The following FOXK1 variants were observed in gnomAD, a reference collection of about 807,000 sequenced individuals.
The protein encoded by FOXK1 is forkhead box protein K1.
In FOXK1, 19 loss-of-function variants were observed where a neutral mutation model predicts 51.9. That is an observed-to-expected ratio of 0.37 (90% CI 0.26 to 0.54). The LOEUF is 0.54. Among genes scored for constraint, FOXK1 ranks in the 20% least tolerant of loss-of-function variants. The probability of loss-of-function intolerance (pLI) is 0.87; values close to 1 mark genes in which losing one functional copy is unlikely to be tolerated. For missense variants in FOXK1, 870 were observed against 1,032.7 expected (o/e 0.84, Z 2.16); for synonymous variants, 537 against 482.6 (o/e 1.11, Z -1.48).
rs754308967 is a variant in FOXK1 at position 4,747,798 on chromosome 7, A to C, written c.747-6661A>C. Reference sequence around the variant, plus strand: ...TCCCACCTTGACCTCCCAAAGTGCCAAGATTACAAGCCTGGGCCTGTTTTT... The same window carrying C: ...TCCCACCTTGACCTCCCAAAGTGCCCAGATTACAAGCCTGGGCCTGTTTTT... On this transcript the variant is annotated intron_variant, in intron 2 of 8. Coordinates refer to ENST00000328914, the MANE Select transcript of FOXK1 (RefSeq NM_001037165.2). The surrounding 1 kb of genome is among the most constrained non-coding windows in gnomAD (Gnocchi z 9.2). Among the ~76,000 whole-genome samples the C allele has an allele frequency of 1.3e-5, 2 of 151,932 alleles. No homozygotes were observed. Among genetic ancestry groups the C allele is most frequent in the Non-Finnish European group, 2.9e-5 (2 of 67,990 alleles).
rs1309876138 is a variant in FOXK1, at chr7:4,753,504, G to T, written c.747-955G>T. Among the ~76,000 whole-genome samples the T allele has an allele frequency of 6.6e-6, 1 of 152,152 alleles. No individual in the cohort carries two copies. Among genetic ancestry groups the T allele is most frequent in the Non-Finnish European group, 1.5e-5 (1 of 68,022 alleles). ...CCGCCACGGGGGCTCTAAGTCAGCTGAGAGGGGGGATGTCAGCATCACAGG... is the reference window on the plus strand; with the variant it reads ...CCGCCACGGGGGCTCTAAGTCAGCTTAGAGGGGGGATGTCAGCATCACAGG... On this transcript the variant is annotated intron_variant, in intron 2 of 8. Coordinates refer to ENST00000328914, the MANE Select transcript of FOXK1 (RefSeq NM_001037165.2). The surrounding 1 kb of genome is among the most constrained non-coding windows in gnomAD (Gnocchi z 4.9).
At chr7:4,754,647 GGTGACC>G in intron 3 of FOXK1, 32 bp downstream of exon 3, 4 of 1,591,908 alleles carry the variant, frequency 2.5e-6, no homozygotes, top group Non-Finnish European at 3.4e-6. Context: ...TGGTGCACCT[GGTGACC>G]CAGGATCGGG....
At chr7:4,685,257 G>A (rs950875640) in intron 1 of FOXK1, among the ~76,000 whole-genome samples, 1 of 125,180 alleles carries the variant, frequency 8.0e-6, no homozygotes, top group Non-Finnish European at 1.6e-5. Flanking sequence ...ATGGAGTCTC[G>A]CTCTGTTGTC....
rs945202859 is a variant in FOXK1 at position 4,719,993 on chromosome 7, G to A, written c.561-20845G>A. Among the ~76,000 whole-genome samples the A allele has an allele frequency of 2.6e-5, 4 of 152,080 alleles. No homozygotes were observed. The South Asian group carries it at 6.2e-4, about 24-fold the overall frequency. On this transcript the variant is annotated intron_variant, in intron 1 of 8. Coordinates refer to ENST00000328914, the MANE Select transcript of FOXK1 (RefSeq NM_001037165.2). Reference sequence around the variant, plus strand: ...CGCCTGCGCCCATCCAGAGCTTTACGTTTTGATGACGTCCGATGTGTTGAG... The same window carrying A: ...CGCCTGCGCCCATCCAGAGCTTTACATTTTGATGACGTCCGATGTGTTGAG...
At chr7:4,688,504 C>G (rs1357143343) in intron 1 of FOXK1, among the ~76,000 whole-genome samples, 3 of 151,826 alleles carry the variant, frequency 2.0e-5, no homozygotes, top group African/African-American at 7.3e-5. Context: ...AAGCGATTCC[C>G]CCTGCCTCAG....
At position 4,755,175 on chromosome 7, in the gene FOXK1, G is replaced by A; in HGVS notation, c.904-62G>A. The A allele has an allele frequency of 6.3e-7, 1 of 1,585,544 alleles. No individual in the cohort carries two copies. Among genetic ancestry groups the A allele is most frequent in the Non-Finnish European group, 8.6e-7 (1 of 1,161,540 alleles). On this transcript the variant is annotated intron_variant, in intron 3 of 8. Coordinates refer to ENST00000328914, the MANE Select transcript of FOXK1 (RefSeq NM_001037165.2). The surrounding 1 kb of genome is among the most constrained non-coding windows in gnomAD (Gnocchi z 6.6). The stretch of plus-strand genomic sequence containing the variant: ...GGTTCCTCCCCATCAGCTGTGACGG[G>A]TGGGTGGGGTAGACTCAGGGACCTT...
chr7:4,768,076 T>TC lies in FOXK1; in HGVS notation c.*5615dup, dbSNP rs2115083485. Reference sequence around the variant, plus strand: ...TTTTGGGGATACAACCACACACATTTCCCTCTGGACTGAAATTTTAAAAAC... The same window carrying TC: ...TTTTGGGGATACAACCACACACATTTCCCCTCTGGACTGAAATTTTAAAAAC... On this transcript the variant is annotated 3_prime_UTR_variant, in exon 9 of 9. Coordinates refer to ENST00000328914, the MANE Select transcript of FOXK1 (RefSeq NM_001037165.2). 6.6e-6 allele frequency: 1 copy of TC among 150,796 alleles called. No individual in the cohort carries two copies. The highest frequency in any genetic ancestry group is 2.1e-4 in the South Asian group (1 of 4,746). 9.3% of individuals were successfully genotyped at this position (150,796 alleles called of 1,614,324 possible). A position where few individuals can be genotyped will look rare whatever the true frequency, so the allele number is the denominator to read the frequency against.
At chr7:4,688,363 C>A (rs893175385) in intron 1 of FOXK1, among the ~76,000 whole-genome samples, 1 of 149,744 alleles carries the variant, frequency 6.7e-6, no homozygotes, top group African/African-American at 2.4e-5. Context: ...GTTTCTCTTA[C>A]TGTCGGCATG....
At chr7:4,691,642 A>G (rs1260558437) in intron 1 of FOXK1, among the ~76,000 whole-genome samples, 1 of 152,140 alleles carries the variant, frequency 6.6e-6, no homozygotes, top group African/African-American at 2.4e-5. Context: ...AGCCCAGGCC[A>G]TTATACATGA....
Position 4,761,129 on chromosome 7 carries a change from G to A in FOXK1, c.1762G>A (p.Val588Met), listed in dbSNP as rs1780926286. The A allele has an allele frequency of 6.2e-7, 1 of 1,612,750 alleles. No homozygotes were observed. The highest frequency in any genetic ancestry group is 8.5e-7 in the Non-Finnish European group (1 of 1,180,002). The change falls in exon 8 of 9, where the codon GTG (valine) becomes ATG (methionine). Residue 588 changes from valine to methionine, a missense_variant. Coordinates refer to ENST00000328914, the MANE Select transcript of FOXK1 (RefSeq NM_001037165.2). The surrounding 1 kb of genome is among the most constrained non-coding windows in gnomAD (Gnocchi z 6.2). ...CGCGGCTGGTGGAGTCATCCAGACG[G>A]TGGCCAGCCAGATGGCCCCCGGGGT... ...IPAAGGVIQT[V>M]ASQMAPGVPG...
In FOXK1 at chr7:4,734,409, C is replaced by T. The variant is rs1052182643; in HGVS notation, c.561-6429C>T. The stretch of plus-strand genomic sequence containing the variant: ...TGGGCAGGTGCAGGGCCCGCTCCCT[C>T]CTTGGGAGGATGAGATGCTCTGTGG... On this transcript the variant is annotated intron_variant, in intron 1 of 8. Transcript: ENST00000328914. This position sits in a 1 kb window ranked among gnomAD's most constrained non-coding sequence, Gnocchi z 5.2. Among the ~76,000 whole-genome samples the T allele has an allele frequency of 2.6e-5, 4 of 152,196 alleles. No individual in the cohort carries two copies. Among genetic ancestry groups the T allele is most frequent in the Non-Finnish European group, 4.4e-5 (3 of 68,040 alleles).
intron 1 of FOXK1, among the ~76,000 whole-genome samples, chr7:4,712,079 A>C (rs1780181700): frequency 6.6e-6 from 1 of 150,978 alleles, no homozygotes; most frequent in African/African-American, 2.4e-5. Flanking sequence ...TCAGTCTCTC[A>C]CTTTTTATCC....
Position 4,748,021 on chromosome 7 carries a change from T to C in FOXK1, c.747-6438T>C, listed in dbSNP as rs1047623456. On this transcript the variant is annotated intron_variant, in intron 2 of 8. Coordinates refer to ENST00000328914, the MANE Select transcript of FOXK1 (RefSeq NM_001037165.2). This position sits in a 1 kb window ranked among gnomAD's most constrained non-coding sequence, Gnocchi z 4.9. ...TTTTAAAAATAGCTTCCCAGCATTTTACAATGTCGGATTTATCTTAAAGGA... is the reference window on the plus strand; with the variant it reads ...TTTTAAAAATAGCTTCCCAGCATTTCACAATGTCGGATTTATCTTAAAGGA... 2.0e-5 allele frequency among the ~76,000 whole-genome samples: 3 copies of C among 152,272 alleles called. No individual in the cohort carries two copies. The highest frequency in any genetic ancestry group is 4.4e-5 in the Non-Finnish European group (3 of 68,052).
chr7:4,759,257 G>T, intron 6 of FOXK1, 40 bp downstream of exon 6: 1 of 1,607,440 alleles, frequency 6.2e-7, no homozygotes. Flanking sequence ...GGGGCGGGGC[G>T]GGACTCGTGG....
intron 1 of FOXK1, among the ~76,000 whole-genome samples, chr7:4,697,526 G>A (rs1779968634): frequency 6.6e-6 from 1 of 152,114 alleles, no homozygotes; most frequent in South Asian, 2.1e-4. Context: ...ATTTCCTTCT[G>A]GCCATGCCTG....
At chr7:4,739,089 G>A (rs1422219303) in intron 1 of FOXK1, among the ~76,000 whole-genome samples, 2 of 152,188 alleles carry the variant, frequency 1.3e-5, no homozygotes, top group Admixed American at 1.3e-4. Context: ...GTCTGCGCAC[G>A]TCCATGCAGG....
At chr7:4,690,269 G>C (rs1168055614) in intron 1 of FOXK1, among the ~76,000 whole-genome samples, 1 of 152,258 alleles carries the variant, frequency 6.6e-6, no homozygotes, top group Non-Finnish European at 1.5e-5. Context: ...AGAGGTTGGA[G>C]GGGGAGCCGC....
intron 1 of FOXK1, among the ~76,000 whole-genome samples, chr7:4,704,674 AGCGTCAG>A (rs1310745478): frequency 2.6e-5 from 4 of 152,068 alleles, no homozygotes; most frequent in African/African-American, 7.2e-5. Context: ...CAGTGACAGC[AGCGTCAG>A]GCTGTGCTCG....
chr7:4,685,366 C>T (rs1779805979), intron 1 of FOXK1, among the ~76,000 whole-genome samples: 1 of 151,534 alleles, frequency 6.6e-6, no homozygotes, highest in Non-Finnish European at 1.5e-5. Context: ...AGGCGCACAA[C>T]ACCACGCCCA....
Sources: allele counts gnomAD v4.1 joint callset (sites outside exome capture counted in the v4.1 genomes callset), GRCh38; gene constraint gnomAD v4.1.1; non-coding constraint Gnocchi (gnomAD v3.1); transcripts MANE v1.5; gene names NCBI Gene and HGNC (gene_info 2026-07-23, HGNC 2026-07-21).